Variants in SBF2 observed in about 807,000 individuals in gnomAD.
SBF2 encodes SET binding factor 2.
Under a neutral mutation model 225.2 loss-of-function variants are expected in SBF2, and 112 were observed. That is an observed-to-expected ratio of 0.50 (90% CI 0.43 to 0.58). The LOEUF is 0.58. Among genes scored for constraint, SBF2 ranks in the 20% least tolerant of loss-of-function variants. The pLI is 0.00. For synonymous variants in SBF2, 763 were observed against 773.3 expected (o/e 0.99, Z 0.22); for missense variants, 1,996 against 2,206.2 (o/e 0.90, Z 1.91).
At chr11:10,242,936 G>T (rs1415684940) in intron 1 of SBF2, among the ~76,000 whole-genome samples, 3 of 152,070 alleles carry the variant, frequency 2.0e-5, no homozygotes, top group African/African-American at 7.2e-5. Context: ...CCAGACAGAA[G>T]ATCAAAAGAA....
chr11:9,811,445 G>T (rs1854178050), intron 30 of SBF2: 1 of 152,172 alleles, frequency 6.6e-6, no homozygotes, highest in Admixed American at 6.5e-5. Flanking sequence ...TTTGGTACAG[G>T]TCCACTTTCT....
At chr11:9,975,550 T>C in intron 13 of SBF2, among the ~76,000 whole-genome samples, 1 of 152,230 alleles carries the variant, frequency 6.6e-6, no homozygotes, top group South Asian at 2.1e-4. Flanking sequence ...CTTATTGTGA[T>C]GCTAGTGGTT....
chr11:10,180,626 G>A (rs897429554), intron 2 of SBF2, among the ~76,000 whole-genome samples: 4 of 152,026 alleles, frequency 2.6e-5, no homozygotes, highest in African/African-American at 4.8e-5. Context: ...CTAGTTTGGG[G>A]TAATTTTCTG....
intron 1 of SBF2, among the ~76,000 whole-genome samples, chr11:10,286,912 G>A (rs1333421781): frequency 2.0e-5 from 3 of 152,112 alleles, no homozygotes; most frequent in Non-Finnish European, 4.4e-5. Context: ...ATTTACCCAA[G>A]AGAAATAAAA....
chr11:10,287,287 C>A (rs762169469), intron 1 of SBF2, among the ~76,000 whole-genome samples: 19 of 152,158 alleles, frequency 1.2e-4, no homozygotes, highest in Admixed American at 6.5e-5. Context: ...ATCTATCTAT[C>A]TACCTATTTT....
At chr11:10,039,501 G>A (rs1023371740) in intron 3 of SBF2, among the ~76,000 whole-genome samples, 10 of 151,718 alleles carry the variant, frequency 6.6e-5, no homozygotes, top group Non-Finnish European at 1.3e-4. Context: ...CAACCTATCC[G>A]CATTTTCAAA....
chr11:10,052,183 C>T (rs1415566532), intron 2 of SBF2, among the ~76,000 whole-genome samples: 1 of 151,482 alleles, frequency 6.6e-6, no homozygotes, highest in Admixed American at 6.6e-5. Context: ...ATCACAGGTG[C>T]AAAACCCAAA....
intron 16 of SBF2, among the ~76,000 whole-genome samples, chr11:9,935,195 C>G (rs560643026): frequency 6.6e-6 from 1 of 152,032 alleles, no homozygotes; most frequent in Non-Finnish European, 1.5e-5. Flanking sequence ...GAGTGAACTC[C>G]CATTCACAAT....
chr11:9,806,817 G>C (rs1590128647), intron 32 of SBF2, among the ~76,000 whole-genome samples: 1 of 152,322 alleles, frequency 6.6e-6, no homozygotes, highest in Non-Finnish European at 1.5e-5. Context: ...CTCTAAAATT[G>C]ATTGTGGTAA....
chr11:10,276,287 T>C (rs1375958316), intron 1 of SBF2, among the ~76,000 whole-genome samples: 1 of 152,204 alleles, frequency 6.6e-6, no homozygotes, highest in Non-Finnish European at 1.5e-5. Flanking sequence ...AATTTTCTTT[T>C]ATTTATTTGT....
intron 16 of SBF2, among the ~76,000 whole-genome samples, chr11:9,931,117 G>A (rs938864611): frequency 6.6e-6 from 1 of 152,272 alleles, no homozygotes; most frequent in Non-Finnish European, 1.5e-5. Flanking sequence ...GAACTGGGCG[G>A]AGCCCACTGC....
intron 2 of SBF2, among the ~76,000 whole-genome samples, chr11:10,173,034 G>C (rs552482928): frequency 1.3e-5 from 2 of 152,156 alleles, no homozygotes; most frequent in Non-Finnish European, 2.9e-5. Flanking sequence ...TAATTTCCAT[G>C]TGTTTGTATA....
intron 2 of SBF2, among the ~76,000 whole-genome samples, chr11:10,049,569 T>C (rs1299542555): frequency 6.6e-6 from 1 of 152,088 alleles, no homozygotes; most frequent in Non-Finnish European, 1.5e-5. Flanking sequence ...ATCGCGCTAT[T>C]GCACTCCAGC....
At chr11:10,221,517 T>C (rs192481926) in intron 1 of SBF2, among the ~76,000 whole-genome samples, 77 of 152,298 alleles carry the variant, frequency 5.1e-4, no homozygotes, top group Admixed American at 1.8e-3. Context: ...TTATGCATCA[T>C]ACAGCTACAA....
chr11:9,910,866 T>G (rs1590409570), intron 16 of SBF2, among the ~76,000 whole-genome samples: 3 of 119,640 alleles, frequency 2.5e-5, no homozygotes, highest in African/African-American at 3.5e-5. Context: ...GCCAACATGG[T>G]GAAAACTTGT....
At chr11:10,177,990 C>G (rs1256581536) in intron 2 of SBF2, among the ~76,000 whole-genome samples, 7 of 147,972 alleles carry the variant, frequency 4.7e-5, no homozygotes, top group African/African-American at 1.8e-4. Context: ...GGTACCAAAA[C>G]AGAGATATAG....
At chr11:10,254,900 C>CAAAAAAAAAAAAAAAAAAAAA (rs71034757) in intron 1 of SBF2, among the ~76,000 whole-genome samples, 17 of 44,074 alleles carry the variant, frequency 3.9e-4, no homozygotes, top group Non-Finnish European at 4.5e-4. Context: ...GACTCTGTCT[C>CAAAAAAAAAAAAAAAAAAAAA]AAAAAAAAAA....
intron 6 of SBF2, among the ~76,000 whole-genome samples, chr11:10,016,136 A>G (rs1948643033): frequency 6.6e-6 from 1 of 152,146 alleles, no homozygotes; most frequent in African/African-American, 2.4e-5. Flanking sequence ...TAACCGATTT[A>G]CAAGTAGTTC....
At chr11:10,227,014 ATTCTAACTGG>A (rs1211924607) in intron 1 of SBF2, among the ~76,000 whole-genome samples, 3 of 152,198 alleles carry the variant, frequency 2.0e-5, no homozygotes, top group Non-Finnish European at 4.4e-5. Context: ...AATGATTGCC[ATTCTAACTGG>A]TGTGAGATGG....
Sources: gnomAD v4.1 joint callset for allele counts (sites outside exome capture counted in the v4.1 genomes callset) on GRCh38, gnomAD v4.1.1 for gene constraint, MANE v1.5 for transcripts, NCBI Gene and HGNC (gene_info 2026-07-23, HGNC 2026-07-21) for gene names.